The following SLC71A1 variants were observed in gnomAD, a reference collection of about 807,000 sequenced individuals.
SLC71A1 encodes the protein solute carrier family 71 member 1.
At chr1:100,078,389 G>T in the SLC71A1 span, 1 of 1,069,296 alleles carries the variant, frequency 9.4e-7, no homozygotes, top group South Asian at 1.4e-5. Context: ...TAATTATGTA[G>T]TTTGACTTTC....
At chr1:100,043,342 C>A in the SLC71A1 span, 1 of 265,720 alleles carries the variant, frequency 3.8e-6, no homozygotes, top group Non-Finnish European at 5.8e-6. Flanking sequence ...ACAGTTTCAG[C>A]CAGGGTACAT....
the SLC71A1 span, among the ~76,000 whole-genome samples, chr1:100,058,961 A>G: frequency 1.3e-5 from 2 of 152,082 alleles, no homozygotes; most frequent in Non-Finnish European, 2.9e-5. Flanking sequence ...CATAATAATA[A>G]ACCACATCAT....
At chr1:100,082,353 G>C in the SLC71A1 span, 3 of 651,694 alleles carry the variant, frequency 4.6e-6, no homozygotes, top group Admixed American at 8.9e-5. Flanking sequence ...GGGAACTAAA[G>C]GAAGTGGGAA....
chr1:100,068,454 A>T, the SLC71A1 span: 1 of 1,473,444 alleles, frequency 6.8e-7, no homozygotes, highest in Admixed American at 1.7e-5. Context: ...TATATCAATC[A>T]GTCTTTTTCT....
At chr1:100,061,575 G>A in the SLC71A1 span, among the ~76,000 whole-genome samples, 1 of 152,032 alleles carries the variant, frequency 6.6e-6, no homozygotes, top group East Asian at 1.9e-4. Context: ...TTCAACAGTT[G>A]GTCAAAAGAT....
the SLC71A1 span, among the ~76,000 whole-genome samples, chr1:100,071,344 G>A: frequency 2.0e-5 from 3 of 149,816 alleles, no homozygotes; most frequent in African/African-American, 4.9e-5. Flanking sequence ...GGTGGTGTGT[G>A]CCTGTAGTCC....
chr1:100,056,948 A>G, the SLC71A1 span, among the ~76,000 whole-genome samples: 2 of 152,134 alleles, frequency 1.3e-5, no homozygotes, highest in Admixed American at 6.6e-5. Context: ...GCATTTTTTC[A>G]TATACCTATT....
chr1:100,078,246 C>T, the SLC71A1 span, among the ~76,000 whole-genome samples: 1 of 152,226 alleles, frequency 6.6e-6, no homozygotes, highest in Non-Finnish European at 1.5e-5. Flanking sequence ...ACATTACACC[C>T]TCACAGCACT....
chr1:100,046,222 T>TTG, the SLC71A1 span, among the ~76,000 whole-genome samples: 1 of 98,884 alleles, frequency 1.0e-5, no homozygotes, highest in African/African-American at 4.5e-5. Flanking sequence ...GTTTTTTTTT[T>TTG]TTTTTTTTTT....
chr1:100,080,753 T>C, the SLC71A1 span: 1 of 1,058,352 alleles, frequency 9.4e-7, no homozygotes, highest in Non-Finnish European at 1.4e-6. Context: ...TGTGAGATTC[T>C]ATTTGAGATT....
chr1:100,063,302 A>C, the SLC71A1 span, among the ~76,000 whole-genome samples: 5 of 127,924 alleles, frequency 3.9e-5, no homozygotes, highest in Non-Finnish European at 8.1e-5. Context: ...AAACAAAACA[A>C]AAAACACTGA....
the SLC71A1 span, among the ~76,000 whole-genome samples, chr1:100,065,408 T>G: frequency 6.6e-6 from 1 of 152,142 alleles, no homozygotes; most frequent in East Asian, 1.9e-4. Context: ...ATTCCAACAT[T>G]AATCTCTATG....
At chr1:100,050,357 A>G in the SLC71A1 span, among the ~76,000 whole-genome samples, 1 of 152,206 alleles carries the variant, frequency 6.6e-6, no homozygotes, top group Admixed American at 6.5e-5. Flanking sequence ...TCATTTATGC[A>G]GCTGTACTTT....
At chr1:100,056,885 G>A in the SLC71A1 span, among the ~76,000 whole-genome samples, 1 of 152,288 alleles carries the variant, frequency 6.6e-6, no homozygotes, top group African/African-American at 2.4e-5. Context: ...GGGGTGAGAT[G>A]ATATTTCACT....
chr1:100,059,144 G>GTGTTTTTTTTTTTTTTTTTTTTTTTTT, the SLC71A1 span, among the ~76,000 whole-genome samples: 1 of 75,416 alleles, frequency 1.3e-5, no homozygotes, highest in African/African-American at 5.9e-5. Flanking sequence ...TCTTTTTCGT[G>GTGTTTTTTTTTTTTTTTTTTTTTTTTT]TTTTTTTTTT....
chr1:100,052,212 TTTG>T, the SLC71A1 span, among the ~76,000 whole-genome samples: 1 of 152,220 alleles, frequency 6.6e-6, no homozygotes, highest in African/African-American at 2.4e-5. Context: ...GTTTCCATAA[TTTG>T]TTATCAGTAT....
the SLC71A1 span, chr1:100,081,901 C>A: frequency 1.2e-6 from 1 of 824,432 alleles, no homozygotes; most frequent in Non-Finnish European, 2.0e-6. Flanking sequence ...AAGAGAAGAG[C>A]AATTAGCTTG....
At chr1:100,056,042 C>T in the SLC71A1 span, among the ~76,000 whole-genome samples, 1 of 152,170 alleles carries the variant, frequency 6.6e-6, no homozygotes, top group East Asian at 1.9e-4. Flanking sequence ...TGAGCCACCA[C>T]GCCTGGCCAA....
chr1:100,068,229 A>G, the SLC71A1 span: 4 of 1,524,132 alleles, frequency 2.6e-6, no homozygotes, highest in East Asian at 6.8e-5. Context: ...CCTTGATAAA[A>G]AAGTGCATGA....
Sources: gnomAD v4.1 joint callset for allele counts (sites outside exome capture counted in the v4.1 genomes callset) on GRCh38, gnomAD v4.1.1 for gene constraint, MANE v1.5 for transcripts, NCBI Gene and HGNC (gene_info 2026-07-23, HGNC 2026-07-21) for gene names.